AMD1: variants seen among roughly 807,000 people sequenced by gnomAD.
AMD1 encodes adenosylmethionine decarboxylase 1.
AMD1 carries 11 observed loss-of-function variants against 40.2 expected under a neutral mutation model. That is an observed-to-expected ratio of 0.27 (90% confidence interval 0.17 to 0.45). The LOEUF (loss-of-function observed/expected upper bound fraction) is 0.45, where lower values mean the gene tolerates loss of function less well. Among genes scored for constraint, AMD1 ranks in the 20% least tolerant of loss-of-function variants. The probability of loss-of-function intolerance (pLI) is 1.00; values close to 1 mark genes in which losing one functional copy is unlikely to be tolerated. For synonymous variants in AMD1, 121 were observed against 130.8 expected, an observed-to-expected ratio of 0.93 and a Z score of 0.51; for missense variants, 257 against 410.2, an observed-to-expected ratio of 0.63 and a Z score of 3.23.
chr6:110,887,182 A>C (rs567566250), intron 1 of AMD1, among the ~76,000 whole-genome samples: 25 of 152,328 alleles, frequency 1.6e-4, no homozygotes, highest in African/African-American at 6.0e-4. Flanking sequence ...TTTTATAGAC[A>C]AAGTATCCCA....
the AMD1 span, among the ~76,000 whole-genome samples, chr6:110,849,435 A>G: frequency 6.6e-6 from 1 of 152,236 alleles, no homozygotes; most frequent in Non-Finnish European, 1.5e-5. Flanking sequence ...GGCTGACAGG[A>G]CAACTGAATT....
At chr6:110,841,352 C>A in the AMD1 span, among the ~76,000 whole-genome samples, 1 of 152,216 alleles carries the variant, frequency 6.6e-6, no homozygotes, top group African/African-American at 2.4e-5. Flanking sequence ...CTTTGTTAAG[C>A]CCTAACCTAT....
the AMD1 span, among the ~76,000 whole-genome samples, chr6:110,853,325 T>TG: frequency 6.9e-6 from 1 of 144,188 alleles, no homozygotes; most frequent in Non-Finnish European, 1.5e-5. Flanking sequence ...TTTTTTTTTT[T>TG]GAGACGGAAT....
the AMD1 span, chr6:110,856,486 G>C: frequency 7.2e-5 from 11 of 152,220 alleles, no homozygotes; most frequent in Non-Finnish European, 1.3e-4. Context: ...CACTACGCAA[G>C]GATGACACCC....
At chr6:110,859,481 T>G in the AMD1 span, among the ~76,000 whole-genome samples, 1 of 152,188 alleles carries the variant, frequency 6.6e-6, no homozygotes, top group Admixed American at 6.5e-5. Context: ...CCGGTTCCCT[T>G]GTCTCTTCCC....
At chr6:110,886,836 C>T (rs771729713) in intron 1 of AMD1, among the ~76,000 whole-genome samples, 1 of 152,308 alleles carries the variant, frequency 6.6e-6, no homozygotes, top group Admixed American at 6.5e-5. Context: ...ATAATGGGCA[C>T]ACTAATGAAA....
chr6:110,837,172 CAAAAA>C, the AMD1 span, among the ~76,000 whole-genome samples: 2,090 of 23,400 alleles, frequency 0.089, 14 homozygotes, highest in Middle Eastern at 0.21. Context: ...CAGAGCGTCT[CAAAAA>C]AAAAAAAAAA....
chr6:110,889,172 A>C, intron 3 of AMD1, 189 bp downstream of exon 3: 1 of 467,982 alleles, frequency 2.1e-6, no homozygotes, highest in Non-Finnish European at 3.3e-6. Context: ...GCAGAGAATG[A>C]GTTAGGATGA....
At chr6:110,863,666 G>A in the AMD1 span, among the ~76,000 whole-genome samples, 11 of 151,786 alleles carry the variant, frequency 7.2e-5, no homozygotes, top group East Asian at 1.6e-3. Context: ...CACCGCGCCC[G>A]GCCTGATTCT....
rs750718774 is a variant in AMD1 at position 110,875,090 on chromosome 6, C to G, written c.-16C>G. Reference sequence around the variant, plus strand: ...TGATTTTCTGTGGTTGTTGGTTGTTCGCTAGTCTCACGGTGATGGAAGCTG... The same window carrying G: ...TGATTTTCTGTGGTTGTTGGTTGTTGGCTAGTCTCACGGTGATGGAAGCTG... On this transcript the variant is annotated 5_prime_UTR_variant, in exon 1 of 9. Coordinates refer to ENST00000368885, the MANE Select transcript of AMD1 (RefSeq NM_001634.6). 6 of 1,602,368 alleles carry G rather than the reference C, an allele frequency of 3.7e-6. No homozygotes were observed. Among genetic ancestry groups the G allele is most frequent in the Non-Finnish European group, 4.3e-6 (5 of 1,171,842 alleles).
intron 1 of AMD1, 125 bp from the exon 2 acceptor site, chr6:110,887,380 C>CT: frequency 3.5e-6 from 2 of 577,002 alleles, no homozygotes; most frequent in Non-Finnish European, 6.0e-6. Context: ...TTGAAAGAAA[C>CT]TAAAAGTTGG....
At chr6:110,830,244 G>A in the AMD1 span, among the ~76,000 whole-genome samples, 21 of 152,190 alleles carry the variant, frequency 1.4e-4, no homozygotes, top group African/African-American at 4.8e-4. Context: ...CTTGTGGCCT[G>A]ACCTCATGAT....
intron 4 of AMD1, 96 bp downstream of exon 4, chr6:110,890,452 A>T: frequency 3.4e-6 from 3 of 882,976 alleles, no homozygotes; most frequent in Non-Finnish European, 5.4e-6. Flanking sequence ...ATGCATATAT[A>T]GCATTCTACA....
the AMD1 span, chr6:110,814,629 G>A: frequency 2.1e-6 from 1 of 477,272 alleles, no homozygotes; most frequent in Admixed American, 2.3e-5. Context: ...CACTACCCAG[G>A]GCCGGAGCGG....
intron 1 of AMD1, among the ~76,000 whole-genome samples, chr6:110,876,058 T>G (rs1392045793): frequency 1.3e-5 from 2 of 152,178 alleles, no homozygotes; most frequent in African/African-American, 4.8e-5. Flanking sequence ...CCCCAGGACA[T>G]AATGCCTCTA....
chr6:110,861,134 G>A, the AMD1 span, among the ~76,000 whole-genome samples: 3 of 152,064 alleles, frequency 2.0e-5, no homozygotes, highest in South Asian at 2.1e-4. Flanking sequence ...CAAGGTGGGC[G>A]GATCACGAGG....
At chr6:110,814,986 A>C in the AMD1 span, 4 of 1,594,454 alleles carry the variant, frequency 2.5e-6, no homozygotes, top group East Asian at 4.8e-5. Context: ...GAGCGAGCCT[A>C]CTCCTCCCGC....
the AMD1 span, among the ~76,000 whole-genome samples, chr6:110,839,672 TATTTTA>T: frequency 6.6e-6 from 1 of 152,322 alleles, no homozygotes; most frequent in South Asian, 2.1e-4. Flanking sequence ...TTCTATCCAG[TATTTTA>T]ATTTTCCTTT....
the AMD1 span, among the ~76,000 whole-genome samples, chr6:110,824,925 G>A: frequency 6.6e-6 from 1 of 152,102 alleles, no homozygotes; most frequent in Non-Finnish European, 1.5e-5. Context: ...TGAAAACTGA[G>A]GCTCCAGGAG....
Sources: gnomAD v4.1 joint callset for allele counts (sites outside exome capture counted in the v4.1 genomes callset) on GRCh38, gnomAD v4.1.1 for gene constraint, MANE v1.5 for transcripts, NCBI Gene and HGNC (gene_info 2026-07-23, HGNC 2026-07-21) for gene names.